C2: variants seen among roughly 807,000 people sequenced by gnomAD.
C2 encodes the protein complement C2, also known as C3/C5 convertase.
In C2, 64 loss-of-function variants were observed where a neutral mutation model predicts 85.2. The observed-to-expected ratio is 0.75, with a 90% CI of 0.61 to 0.92. The LOEUF is 0.92. Among genes scored for constraint, C2 ranks in the 40% least tolerant of loss-of-function variants. The pLI, the probability that C2 is intolerant of heterozygous loss-of-function variation, is 0.00. For synonymous variants in C2, 311 were observed against 370.8 expected (o/e 0.84, Z 1.85); for missense variants, 820 against 971.6 (o/e 0.84, Z 2.07).
Position 31,944,621 on chromosome 6 carries a change from T to G in C2, c.1903-106T>G. On this transcript the variant is annotated intron_variant, in intron 15 of 17. Coordinates refer to ENST00000299367, the MANE Select transcript of C2 (RefSeq NM_000063.6). This position sits in a 1 kb window ranked among gnomAD's most constrained non-coding sequence, Gnocchi z 5.1. Reference sequence around the variant, plus strand: ...GTCTTGAACTCCTGACCTCAAGTGATCTGCCTGCCTCAACCTCCCAAAGTG... The same window carrying G: ...GTCTTGAACTCCTGACCTCAAGTGAGCTGCCTGCCTCAACCTCCCAAAGTG... 4 of 1,240,928 alleles carry G rather than the reference T, an allele frequency of 3.2e-6. No individual in the cohort carries two copies. Among genetic ancestry groups the G allele is most frequent in the Non-Finnish European group, 3.6e-6 (3 of 843,662 alleles). The allele number at this position is 1,240,928 out of a possible 1,614,324, so 76.9% of individuals were successfully genotyped here.
upstream of C2, among the ~76,000 whole-genome samples, chr6:31,923,526 C>A (rs1302167140): frequency 1.3e-5 from 2 of 152,168 alleles, no homozygotes; most frequent in African/African-American, 2.4e-5. Context: ...CTCTGTCACC[C>A]AGGCTGGAGT....
Position 31,936,065 on chromosome 6 carries a change from C to G in C2, c.988+4C>G, listed in dbSNP as rs201677911. 2.4e-5 allele frequency: 38 copies of G among 1,612,724 alleles called. No individual in the cohort carries two copies. Among genetic ancestry groups the G allele is most frequent in the Non-Finnish European group, 3.1e-5 (37 of 1,179,900 alleles). ...CTGGAAAATGCCAACTATAAAGGTACGGGTGTCATCACGTGATGGTGATGA... is the reference window on the plus strand; with the variant it reads ...CTGGAAAATGCCAACTATAAAGGTAGGGGTGTCATCACGTGATGGTGATGA... On this transcript the variant is annotated splice_donor_region_variant and intron_variant, in intron 7 of 17. Transcript: ENST00000299367.
chr6:31,934,730 C>T (rs1037070190), intron 6 of C2: 1 of 1,123,078 alleles, frequency 8.9e-7, no homozygotes. Context: ...GTGTGATAGA[C>T]TGGGCATGGT....
rs560153070 is a variant in C2 at position 31,901,944 on chromosome 6, C to CG, written c.73+809dup. On this transcript the variant is annotated intron_variant, in intron 1 of 3. Coordinates refer to the C2 transcript ENST00000452202. ...GCAGGGCCTGGGCAGCGCGCAGGCG[C>CG]GGGGATGCACGGGACGCGCGCGCGC... is the stretch of plus-strand genomic sequence containing the variant. 877 of 146,192 alleles carry CG rather than the reference C, an allele frequency of 6.0e-3. 26 individuals are homozygous for CG. In the South Asian group the frequency reaches 0.076, roughly 13 times the overall value. 9.1% of individuals were successfully genotyped at this position (146,192 alleles called of 1,614,324 possible).
At chr6:31,905,102 G>A (rs771820025) in intron 1 of C2, among the ~76,000 whole-genome samples, 1 of 151,998 alleles carries the variant, frequency 6.6e-6, no homozygotes, top group Non-Finnish European at 1.5e-5. Flanking sequence ...CAAATGCCTT[G>A]GTGTGGTGTC....
rs763692350 is a variant in C2, at chr6:31,942,972, C to T, written c.1233C>T (p.Ile411=). 1.2e-5 allele frequency: 20 copies of T among 1,612,938 alleles called. No individual in the cohort carries two copies. Among genetic ancestry groups the T allele is most frequent in the South Asian group, 6.6e-5 (6 of 91,088 alleles). Residue 411 remains isoleucine, a synonymous_variant, in exon 10 of 18, where the codon ATC becomes ATT. Coordinates refer to ENST00000299367, the MANE Select transcript of C2 (RefSeq NM_000063.6). ...KRNDYLDIYA[I]GVGKLDVDWR... ...CTTCCCCACCAGACATCTATGCCAT[C>T]GGGGTGGGCAAGCTGGATGTGGACT...
intron 1 of C2, among the ~76,000 whole-genome samples, chr6:31,902,182 C>T (rs2151694535): frequency 6.7e-6 from 1 of 149,516 alleles, no homozygotes; most frequent in East Asian, 2.0e-4. Flanking sequence ...GCCTTGCCTC[C>T]TCTTTGGCCG....
intron 1 of C2, chr6:31,901,268 G>T (rs1485457399): frequency 6.2e-7 from 1 of 1,612,574 alleles, no homozygotes; most frequent in Non-Finnish European, 8.5e-7. Context: ...CTCGTGGCCG[G>T]GCAGCTGGAA....
In C2 at chr6:31,928,857, G is replaced by A; in HGVS notation, c.382G>A (p.Val128Met). 1 of 1,614,256 alleles carries A rather than the reference G, an allele frequency of 6.2e-7. No homozygotes were observed. The highest frequency in any genetic ancestry group is 8.5e-7 in the Non-Finnish European group (1 of 1,180,040). Residue 128 changes from valine (V) to methionine (M), a missense_variant, in exon 3 of 18, where the codon GTG becomes ATG. Transcript: ENST00000299367. ...EDGFILRGSP[V>M]RQCRPNGMWD... ...TGGCTTCATATTGCGGGGCTCGCCTGTGCGTCAGTGTCGCCCCAACGGCAT... is the reference window on the plus strand; with the variant it reads ...TGGCTTCATATTGCGGGGCTCGCCTATGCGTCAGTGTCGCCCCAACGGCAT...
chr6:31,922,050 A>G lies in C2; in HGVS notation c.-100+2024A>G, dbSNP rs1192910816. Among the ~76,000 whole-genome samples the G allele has an allele frequency of 6.6e-6, 1 of 152,102 alleles. No homozygotes were observed. The highest frequency in any genetic ancestry group is 1.5e-5 in the Non-Finnish European group (1 of 67,998). On this transcript the variant is annotated intron_variant, in intron 1 of 3. Transcript: ENST00000413154. The surrounding 1 kb of genome is among the most constrained non-coding windows in gnomAD (Gnocchi z 4.8). ...AGCCCAGTATTTATACCAATCAGTC[A>G]TTGGTTGAAGGCCTTAATTCTCTGT...
intron 1 of C2, among the ~76,000 whole-genome samples, chr6:31,912,784 G>A (rs1768202761): frequency 6.6e-6 from 1 of 151,326 alleles, no homozygotes; most frequent in Non-Finnish European, 1.5e-5. Context: ...AGGCTGCAGT[G>A]AGCTGAGATC....
At position 31,904,244 on chromosome 6, in the gene C2, C is replaced by T. The variant is rs1767568441; in HGVS notation, c.73+3105C>T. ...GCAGTAGTTGCTGAGTAAACAATAG[C>T]TCTGTTCTCCTTTTCCTAATCTGGG... On this transcript the variant is annotated intron_variant, in intron 1 of 3. Coordinates refer to the C2 transcript ENST00000452202. This position sits in a 1 kb window ranked among gnomAD's most constrained non-coding sequence, Gnocchi z 4.4. Among the ~76,000 whole-genome samples the T allele has an allele frequency of 6.6e-6, 1 of 152,102 alleles. No homozygotes were observed. The highest frequency in any genetic ancestry group is 2.1e-4 in the South Asian group (1 of 4,806).
At chr6:31,899,957 C>G (rs372115477), upstream of C2, 3 of 1,594,640 alleles carry the variant, frequency 1.9e-6, no homozygotes, top group African/African-American at 2.7e-5. Context: ...CTCGGCCACA[C>G]TGGCCTCCAG....
chr6:31,928,641 A>G, intron 2 of C2, 91 bp from the exon 3 acceptor site: 1 of 1,288,528 alleles, frequency 7.8e-7, no homozygotes, highest in Non-Finnish European at 1.1e-6. Context: ...GACCATTCCC[A>G]TGCATTCCAG....
chr6:31,943,332 AG>A lies in C2; in HGVS notation c.1455+17del, dbSNP rs1178026720. 8 of 1,610,940 alleles carry A rather than the reference AG, an allele frequency of 5.0e-6. No individual in the cohort carries two copies. The highest frequency in any genetic ancestry group is 1.3e-5 in the African/African-American group (1 of 74,918). On this transcript the variant is annotated intron_variant, in intron 11 of 17. Transcript: ENST00000299367. This position sits in a 1 kb window ranked among gnomAD's most constrained non-coding sequence, Gnocchi z 6.4. Reference sequence around the variant, plus strand: ...TGTCACTATTAAGGTACCAGGAAGGAGGGGCAGGGCTTGGATTCCAGAGGTA... The same window carrying A: ...TGTCACTATTAAGGTACCAGGAAGGAGGGCAGGGCTTGGATTCCAGAGGTA...
intron 1 of C2, among the ~76,000 whole-genome samples, chr6:31,901,671 C>G (rs1477764512): frequency 1.3e-5 from 2 of 151,478 alleles, no homozygotes; most frequent in Non-Finnish European, 3.0e-5. Flanking sequence ...CACCCCGCCC[C>G]CTTTACCGGC....
intron 9 of C2, chr6:31,941,755 C>T (rs1034348489): frequency 1.3e-5 from 2 of 150,830 alleles, no homozygotes; most frequent in African/African-American, 2.4e-5. Context: ...TGCCTGCCTT[C>T]GCCTCAAAAA....
chr6:31,932,986 C>T (rs974537119), intron 3 of C2, among the ~76,000 whole-genome samples: 6 of 152,220 alleles, frequency 3.9e-5, no homozygotes, highest in African/African-American at 1.4e-4. Context: ...CGTGGCGGCG[C>T]GCGCCTGCAA....
At chr6:31,925,990 C>T (rs370973126), upstream of C2, among the ~76,000 whole-genome samples, 25 of 152,250 alleles carry the variant, frequency 1.6e-4, no homozygotes, top group East Asian at 2.9e-3. Flanking sequence ...GACGGATCTC[C>T]GCTAGGTTTA....
Sources: allele counts gnomAD v4.1 joint callset (sites outside exome capture counted in the v4.1 genomes callset), GRCh38; gene constraint gnomAD v4.1.1; non-coding constraint Gnocchi (gnomAD v3.1); transcripts MANE v1.5; gene names NCBI Gene and HGNC (gene_info 2026-07-23, HGNC 2026-07-21).